The following IFT25 variants were observed in gnomAD, a reference collection of about 807,000 sequenced individuals.
The protein encoded by IFT25 is intraflagellar transport 25, also known as intraflagellar transport protein 25 homolog.
the IFT25 span, among the ~76,000 whole-genome samples, chr1:53,940,817 CT>C: frequency 6.6e-6 from 1 of 152,022 alleles, no homozygotes. Flanking sequence ...TCAAGTGATC[CT>C]CCCACCTTAG....
chr1:53,942,809 C>G, the IFT25 span, among the ~76,000 whole-genome samples: 1 of 152,194 alleles, frequency 6.6e-6, no homozygotes, highest in Non-Finnish European at 1.5e-5. Flanking sequence ...TGCCTTCAAG[C>G]TCAGAGTCAA....
At chr1:53,927,683 C>A in the IFT25 span, among the ~76,000 whole-genome samples, 1 of 152,196 alleles carries the variant, frequency 6.6e-6, no homozygotes, top group African/African-American at 2.4e-5. Flanking sequence ...CTTCCCATGG[C>A]ACCTGTTGCC....
At chr1:53,937,727 A>G in the IFT25 span, among the ~76,000 whole-genome samples, 1 of 152,206 alleles carries the variant, frequency 6.6e-6, no homozygotes, top group Non-Finnish European at 1.5e-5. Flanking sequence ...TGCCTTAGAA[A>G]ACGAATCTAT....
chr1:53,927,980 G>A, the IFT25 span, among the ~76,000 whole-genome samples: 1 of 152,174 alleles, frequency 6.6e-6, no homozygotes, highest in Non-Finnish European at 1.5e-5. Flanking sequence ...GCAAGATGCT[G>A]TGTTTAATTA....
chr1:53,935,458 GTTTC>G, the IFT25 span, among the ~76,000 whole-genome samples: 1 of 152,160 alleles, frequency 6.6e-6, no homozygotes, highest in Non-Finnish European at 1.5e-5. Flanking sequence ...CTTGTGTGGG[GTTTC>G]TTTTTGGGAT....
At chr1:53,918,829 C>T in the IFT25 span, among the ~76,000 whole-genome samples, 11,206 of 151,972 alleles carry the variant, frequency 0.074, 445 homozygotes, top group Middle Eastern at 0.1. Context: ...GGCTCCCTCT[C>T]ACCCCAGCCC....
the IFT25 span, among the ~76,000 whole-genome samples, chr1:53,911,954 T>C: frequency 2.0e-5 from 3 of 152,030 alleles, no homozygotes; most frequent in Non-Finnish European, 4.4e-5. Flanking sequence ...CTCGGGCCCT[T>C]TTTTGGGGGG....
At chr1:53,927,241 T>C in the IFT25 span, among the ~76,000 whole-genome samples, 2 of 152,270 alleles carry the variant, frequency 1.3e-5, no homozygotes, top group African/African-American at 2.4e-5. Flanking sequence ...GCCACACTTA[T>C]TGATTACTGG....
At chr1:53,932,500 C>A in the IFT25 span, among the ~76,000 whole-genome samples, 4 of 152,134 alleles carry the variant, frequency 2.6e-5, no homozygotes, top group African/African-American at 4.8e-5. Flanking sequence ...AACATACTAT[C>A]TAAGATTTTA....
At chr1:53,938,850 G>A in the IFT25 span, among the ~76,000 whole-genome samples, 1 of 152,190 alleles carries the variant, frequency 6.6e-6, no homozygotes, top group East Asian at 1.9e-4. Flanking sequence ...CAAGGCGGGC[G>A]AATCACCTGA....
chr1:53,915,808 T>C, the IFT25 span, among the ~76,000 whole-genome samples: 3 of 151,998 alleles, frequency 2.0e-5, no homozygotes, highest in Admixed American at 2.0e-4. Flanking sequence ...CACAGCACAG[T>C]GGCAGTCAGG....
chr1:53,944,421 G>A, the IFT25 span, among the ~76,000 whole-genome samples: 4 of 152,128 alleles, frequency 2.6e-5, no homozygotes, highest in African/African-American at 7.2e-5. Flanking sequence ...CAGGCAGGCG[G>A]ATCACTTGAG....
the IFT25 span, among the ~76,000 whole-genome samples, chr1:53,935,879 T>C: frequency 1.3e-5 from 2 of 152,182 alleles, no homozygotes; most frequent in Non-Finnish European, 1.5e-5. Flanking sequence ...TTGAAATTCA[T>C]TAATTTTAAT....
chr1:53,943,487 G>A, the IFT25 span, among the ~76,000 whole-genome samples: 2 of 149,130 alleles, frequency 1.3e-5, no homozygotes, highest in Non-Finnish European at 3.0e-5. Flanking sequence ...GGGAGGGAAC[G>A]CTGCTAAATA....
chr1:53,920,393 CTT>C, the IFT25 span, among the ~76,000 whole-genome samples: 9 of 136,024 alleles, frequency 6.6e-5, no homozygotes, highest in Admixed American at 7.3e-5. Context: ...TCAAATTGCC[CTT>C]TTTTTTTTTT....
the IFT25 span, among the ~76,000 whole-genome samples, chr1:53,942,090 T>C: frequency 8.3e-4 from 127 of 152,318 alleles, no homozygotes; most frequent in African/African-American, 2.8e-3. Context: ...CTTATCAATT[T>C]TGCAGACACA....
chr1:53,945,251 T>C, the IFT25 span, among the ~76,000 whole-genome samples: 1 of 152,242 alleles, frequency 6.6e-6, no homozygotes. Flanking sequence ...GGCTGACAGC[T>C]TACATTACAT....
the IFT25 span, chr1:53,924,041 T>C: frequency 3.8e-6 from 3 of 794,314 alleles, no homozygotes; most frequent in Admixed American, 2.1e-5. Context: ...TGATATCTGG[T>C]AAATTATGAG....
the IFT25 span, chr1:53,945,797 C>G: frequency 6.7e-6 from 1 of 150,250 alleles, no homozygotes; most frequent in Non-Finnish European, 1.5e-5. Flanking sequence ...CGCTCCTACC[C>G]CGAGCTCTTT....
Sources: allele counts gnomAD v4.1 joint callset (sites outside exome capture counted in the v4.1 genomes callset), GRCh38; gene constraint gnomAD v4.1.1; transcripts MANE v1.5; gene names NCBI Gene and HGNC (gene_info 2026-07-23, HGNC 2026-07-21).